The following DPYD variants were observed in gnomAD, a reference collection of about 807,000 sequenced individuals.
DPYD encodes the protein dihydropyrimidine dehydrogenase [NADP(+)].
Under a neutral mutation model 116.2 loss-of-function variants are expected in DPYD, and 109 were observed. That is an observed-to-expected ratio of 0.94 (90% CI 0.80 to 1.10). DPYD has a LOEUF of 1.10. DPYD is among the 50% of genes least tolerant of loss of function. The pLI is 0.00. For missense variants in DPYD, 1,302 were observed against 1,254.5 expected, an observed-to-expected ratio of 1.04 and a Z score of -0.57; for synonymous variants, 440 against 432.0, an observed-to-expected ratio of 1.02 and a Z score of -0.23.
At chr1:97,581,885 T>C (rs1306218983) in intron 10 of DPYD, among the ~76,000 whole-genome samples, 1 of 152,114 alleles carries the variant, frequency 6.6e-6, no homozygotes, top group Non-Finnish European at 1.5e-5. Flanking sequence ...TCTCTCTCTT[T>C]GAAGAAGTGG....
chr1:97,469,455 C>T (rs974455248), intron 13 of DPYD, among the ~76,000 whole-genome samples: 1 of 137,124 alleles, frequency 7.3e-6, no homozygotes, highest in Non-Finnish European at 1.5e-5. Context: ...GCCAGTATTT[C>T]CTCAGAAACC....
At position 97,203,671 on chromosome 1, in the gene DPYD, C is replaced by G. The variant is rs1254410145; in HGVS notation, c.2443-10423G>C. ...TAAAGGATGAGTTCAGACCCCCCCC[C>G]CCCAAAAAAAAAAAAAGAGAAAAAG... On this transcript the variant is annotated intron_variant, in intron 19 of 22. Coordinates refer to ENST00000370192, the MANE Select transcript of DPYD (RefSeq NM_000110.4). Among the ~76,000 whole-genome samples the G allele has an allele frequency of 3.9e-4, 23 of 58,562 alleles. 2 individuals carry two copies. The highest frequency in any genetic ancestry group is 2.0e-3 in the East Asian group (2 of 1,012). The allele number at this position is 58,562 out of a possible 152,430, so 38.4% of individuals were successfully genotyped here.
Position 97,359,033 on chromosome 1 carries a change from C to T in DPYD, c.2058+14528G>A, listed in dbSNP as rs571464818. On this transcript the variant is annotated intron_variant, in intron 16 of 22. Transcript: ENST00000370192. ...CTTCTCTGAGCTAAAGGAGGATGTT[C>T]GAACCCATCGCAAGGAAGCTTAAAA... is the stretch of plus-strand genomic sequence containing the variant. 4.6e-5 allele frequency among the ~76,000 whole-genome samples: 7 copies of T among 152,114 alleles called. No individual in the cohort carries two copies. The South Asian group carries it at 8.3e-4, about 18-fold the overall frequency.
At chr1:97,205,651 C>T (rs1027224786) in intron 19 of DPYD, among the ~76,000 whole-genome samples, 3 of 151,924 alleles carry the variant, frequency 2.0e-5, no homozygotes, top group Non-Finnish European at 1.5e-5. Context: ...ATCCATAGTA[C>T]AATTTCCATA....
intron 16 of DPYD, among the ~76,000 whole-genome samples, chr1:97,315,051 G>A (rs960073955): frequency 6.6e-6 from 1 of 151,978 alleles, no homozygotes; most frequent in African/African-American, 2.4e-5. Flanking sequence ...CTGCAATGTT[G>A]AGGAGTCGCA....
chr1:97,605,196 G>T lies in DPYD; in HGVS notation c.851-10030C>A, dbSNP rs1377588150. 2.6e-5 allele frequency among the ~76,000 whole-genome samples: 4 copies of T among 152,148 alleles called. No individual in the cohort carries two copies. In the South Asian group the frequency reaches 8.3e-4, roughly 32 times the overall value. On this transcript the variant is annotated intron_variant, in intron 8 of 22. Coordinates refer to ENST00000370192, the MANE Select transcript of DPYD (RefSeq NM_000110.4). ...TAAGAATATTGGGTCCAGTGTAAGC[G>T]GAAGCAACAGTTTTTAATATCAGAC...
chr1:97,419,650 A>G (rs751038480), intron 14 of DPYD, among the ~76,000 whole-genome samples: 6 of 152,176 alleles, frequency 3.9e-5, no homozygotes, highest in African/African-American at 4.8e-5. Context: ...AATGTTGTGT[A>G]TCTTTATAAA....
chr1:97,629,268 G>C (rs1039767352), intron 8 of DPYD, among the ~76,000 whole-genome samples: 1 of 152,032 alleles, frequency 6.6e-6, no homozygotes, highest in African/African-American at 2.4e-5. Context: ...CCTGAGTCAA[G>C]AAATCAAGTG....
chr1:97,639,833 C>G (rs1208613729), intron 8 of DPYD, among the ~76,000 whole-genome samples: 1 of 152,074 alleles, frequency 6.6e-6, no homozygotes, highest in African/African-American at 2.4e-5. Context: ...TTTTAAAATA[C>G]ATGGTCAAAT....
At chr1:97,395,284 T>A (rs1214905721) in intron 14 of DPYD, among the ~76,000 whole-genome samples, 1 of 151,872 alleles carries the variant, frequency 6.6e-6, no homozygotes, top group Admixed American at 6.6e-5. Flanking sequence ...TTATAATTTA[T>A]AAAGTACATT....
At chr1:97,525,796 G>A (rs998995108) in intron 12 of DPYD, among the ~76,000 whole-genome samples, 1 of 151,466 alleles carries the variant, frequency 6.6e-6, no homozygotes, top group Non-Finnish European at 1.5e-5. Flanking sequence ...GAGAGTGTGT[G>A]TGTGTTTTAG....
chr1:97,115,027 A>C (rs1651866155), intron 20 of DPYD, among the ~76,000 whole-genome samples: 1 of 152,072 alleles, frequency 6.6e-6, no homozygotes, highest in South Asian at 2.1e-4. Flanking sequence ...CTTCCTTCCA[A>C]GTTTGTAATT....
chr1:97,562,261 T>A (rs1017783145), intron 11 of DPYD, among the ~76,000 whole-genome samples: 1 of 152,182 alleles, frequency 6.6e-6, no homozygotes, highest in East Asian at 1.9e-4. Flanking sequence ...AGTAATGTGA[T>A]GAGACTGGTG....
intron 21 of DPYD, among the ~76,000 whole-genome samples, chr1:97,088,786 T>G (rs1649700618): frequency 6.6e-6 from 1 of 152,170 alleles, no homozygotes; most frequent in Admixed American, 6.5e-5. Flanking sequence ...CAAATCCCCA[T>G]AAGACTTAAG....
chr1:97,134,525 A>C (rs1023332895), intron 20 of DPYD, among the ~76,000 whole-genome samples: 1 of 152,178 alleles, frequency 6.6e-6, no homozygotes, highest in African/African-American at 2.4e-5. Flanking sequence ...TGCAGTTGTG[A>C]TAAGAATTAA....
intron 11 of DPYD, among the ~76,000 whole-genome samples, chr1:97,561,394 C>T (rs1439261284): frequency 6.6e-6 from 1 of 152,148 alleles, no homozygotes; most frequent in African/African-American, 2.4e-5. Context: ...TTCATTCAAC[C>T]ATTTATTCAT....
At position 97,288,332 on chromosome 1, in the gene DPYD, G is replaced by A. The variant is rs929831951; in HGVS notation, c.2299+16927C>T. On this transcript the variant is annotated intron_variant, in intron 18 of 22. Transcript: ENST00000370192. The stretch of plus-strand genomic sequence containing the variant: ...AATTCAACTCAGCTCTGCACCAAGG[G>A]GACCTAATAGACATCTACAGAACTC... Among the ~76,000 whole-genome samples, 914 of 150,692 alleles carry A rather than the reference G, an allele frequency of 6.1e-3. 4 individuals carry two copies. Among genetic ancestry groups the A allele is most frequent in the Non-Finnish European group, 0.01 (690 of 67,620 alleles).
intron 1 of DPYD, among the ~76,000 whole-genome samples, chr1:97,898,836 C>T (rs1673213775): frequency 6.6e-6 from 1 of 151,898 alleles, no homozygotes; most frequent in Admixed American, 6.6e-5. Context: ...AGCTTTCTTG[C>T]CTGCCACCAT....
intron 18 of DPYD, among the ~76,000 whole-genome samples, chr1:97,299,726 T>C (rs180885948): frequency 1.9e-4 from 29 of 152,220 alleles, no homozygotes; most frequent in African/African-American, 6.7e-4. Context: ...GACTCAGCAC[T>C]TGGCATTTTC....
Sources: allele counts gnomAD v4.1 joint callset (sites outside exome capture counted in the v4.1 genomes callset), GRCh38; gene constraint gnomAD v4.1.1; transcripts MANE v1.5; gene names NCBI Gene and HGNC (gene_info 2026-07-23, HGNC 2026-07-21).